TEX9: variants seen among roughly 807,000 people sequenced by gnomAD.
TEX9 encodes the protein testis-expressed protein 9.
Under a neutral mutation model 59.6 loss-of-function variants are expected in TEX9, and 74 were observed. That is an observed-to-expected ratio of 1.24 (90% CI 1.03 to 1.51). The LOEUF (loss-of-function observed/expected upper bound fraction) is 1.51. TEX9 is among the 40% of genes most tolerant of loss of function. The probability of loss-of-function intolerance (pLI) is 0.00; values close to 1 mark genes in which losing one functional copy is unlikely to be tolerated. For missense variants in TEX9, 522 were observed against 447.8 expected (o/e 1.17, Z -1.49); for synonymous variants, 186 against 152.2 (o/e 1.22, Z -1.64).
intron 9 of TEX9, chr15:56,397,338 G>A (rs1334273765): frequency 2.0e-5 from 3 of 153,740 alleles, no homozygotes; most frequent in African/African-American, 7.2e-5. Flanking sequence ...GCACTCAAGA[G>A]GTGACTTGGT....
intron 12 of TEX9, chr15:56,431,379 G>GAGAT (rs780089853): frequency 5.0e-6 from 8 of 1,611,142 alleles, no homozygotes; most frequent in East Asian, 4.5e-5. Flanking sequence ...TTACTTTAGG[G>GAGAT]AGATAGCCTA....
intron 10 of TEX9, among the ~76,000 whole-genome samples, chr15:56,418,248 T>G (rs955796887): frequency 2.6e-5 from 4 of 151,822 alleles, no homozygotes; most frequent in Non-Finnish European, 5.9e-5. Context: ...TAGGTTGACT[T>G]GTTTGTGTAA....
intron 1 of TEX9, among the ~76,000 whole-genome samples, chr15:56,249,760 A>AAAAAG (rs2043969175): frequency 6.6e-6 from 1 of 150,928 alleles, no homozygotes; most frequent in Non-Finnish European, 1.5e-5. Flanking sequence ...AAAAAAAAAA[A>AAAAAG]AAAAAAAAGA....
intron 1 of TEX9, among the ~76,000 whole-genome samples, chr15:56,316,022 C>G (rs1393148594): frequency 6.6e-6 from 1 of 151,102 alleles, no homozygotes; most frequent in Non-Finnish European, 1.5e-5. Context: ...AAGCACTTCT[C>G]TGTATTGGTT....
At chr15:56,428,392 T>TATC in exon 12 of TEX9, 1 of 1,612,280 alleles carries the variant, frequency 6.2e-7, no homozygotes, top group Non-Finnish European at 8.5e-7. Flanking sequence ...GCCAAGATGC[T>TATC]ATCTTTCACT....
At chr15:56,379,314 T>C (rs150902703) in intron 3 of TEX9, among the ~76,000 whole-genome samples, 1,557 of 152,298 alleles carry the variant, frequency 0.01, 28 homozygotes, top group African/African-American at 0.036. Flanking sequence ...GACCCATTGG[T>C]AATTTAGGTG....
intron 1 of TEX9, among the ~76,000 whole-genome samples, chr15:56,282,398 T>G (rs2044839447): frequency 6.6e-6 from 1 of 152,150 alleles, no homozygotes; most frequent in African/African-American, 2.4e-5. Context: ...TAGCATATTT[T>G]AAAGTAAAAC....
intron 1 of TEX9, among the ~76,000 whole-genome samples, chr15:56,348,688 G>T (rs1351502443): frequency 6.6e-6 from 1 of 151,990 alleles, no homozygotes; most frequent in Admixed American, 6.6e-5. Context: ...TTTGTTTTCA[G>T]AAATACGACT....
intron 12 of TEX9, chr15:56,429,336 T>C (rs921224639): frequency 8.6e-6 from 5 of 579,832 alleles, no homozygotes; most frequent in African/African-American, 3.9e-5. Flanking sequence ...TTTAAAAAAA[T>C]CAATACTTTT....
chr15:56,312,742 GC>G, intron 1 of TEX9, among the ~76,000 whole-genome samples: 1 of 114,534 alleles, frequency 8.7e-6, no homozygotes, highest in African/African-American at 3.5e-5. Flanking sequence ...GGGCAGTATG[GC>G]CATTTTCATG....
At chr15:56,427,557 T>TTGAGGCTGTATATTAAAAATATA in intron 10 of TEX9, 48 bp from the exon 11 acceptor site, 2 of 1,288,846 alleles carry the variant, frequency 1.6e-6, no homozygotes, top group East Asian at 5.4e-5. Context: ...ATTCTTTCCA[T>TTGAGGCTGTATATTAAAAATATA]TGAGGCTGTA....
At chr15:56,273,807 A>G (rs748061587) in intron 1 of TEX9, among the ~76,000 whole-genome samples, 1 of 152,122 alleles carries the variant, frequency 6.6e-6, no homozygotes, top group Non-Finnish European at 1.5e-5. Flanking sequence ...TAATTCTTAT[A>G]TTTGTTGCTC....
chr15:56,428,991 A>T (rs2050466408), intron 12 of TEX9: 2 of 592,824 alleles, frequency 3.4e-6, no homozygotes, highest in Non-Finnish European at 5.7e-6. Context: ...TGATTTACAA[A>T]ATCCAAACAG....
intron 1 of TEX9, among the ~76,000 whole-genome samples, chr15:56,339,396 A>AAAAAAAAACAAAC (rs2046324921): frequency 8.3e-6 from 1 of 120,476 alleles, no homozygotes; most frequent in African/African-American, 3.2e-5. Context: ...AAAAAAAAAA[A>AAAAAAAAACAAAC]AAAAAAAAAA....
At chr15:56,257,817 G>C (rs2044178178) in intron 1 of TEX9, among the ~76,000 whole-genome samples, 3 of 151,930 alleles carry the variant, frequency 2.0e-5, no homozygotes. Context: ...GTCAATTTTT[G>C]CTTTTGTTGC....
chr15:56,453,369 A>C, the TEX9 span, among the ~76,000 whole-genome samples: 1 of 152,112 alleles, frequency 6.6e-6, no homozygotes, highest in Non-Finnish European at 1.5e-5. Flanking sequence ...ATTGGTGATC[A>C]ATCTTCTGTT....
Position 56,429,067 on chromosome 15 carries a change from C to CA in TEX9, c.*29+600dup, listed in dbSNP as rs547329008. 452 of 1,424,144 alleles carry CA rather than the reference C, an allele frequency of 3.2e-4. 3 individuals carry two copies. In the African/African-American group the frequency reaches 5.4e-3, roughly 17 times the overall value. The allele number at this position is 1,424,144 out of a possible 1,614,324, so 88.2% of individuals were successfully genotyped here. ...TATGCTGACATCTAGTGGTAACATG[C>CA]AAAAAATCTATGCTTTACCCAATTT... On this transcript the variant is annotated intron_variant, in intron 12 of 12. Transcript: ENST00000352903.
intron 12 of TEX9, among the ~76,000 whole-genome samples, chr15:56,441,661 C>G (rs2050816053): frequency 6.6e-6 from 1 of 152,140 alleles, no homozygotes; most frequent in Non-Finnish European, 1.5e-5. Flanking sequence ...AACTATGCAT[C>G]TGACAAAGGT....
chr15:56,253,656 C>T (rs541087433), intron 1 of TEX9, among the ~76,000 whole-genome samples: 15 of 152,186 alleles, frequency 9.9e-5, no homozygotes, highest in African/African-American at 3.6e-4. Flanking sequence ...GAACAGGCTA[C>T]TCAGCAGTCA....
Sources: gnomAD v4.1 joint callset for allele counts (sites outside exome capture counted in the v4.1 genomes callset) on GRCh38, gnomAD v4.1.1 for gene constraint, MANE v1.5 for transcripts, NCBI Gene and HGNC (gene_info 2026-07-23, HGNC 2026-07-21) for gene names.